Variants in EXOC6B observed in about 807,000 individuals in gnomAD.
The protein encoded by EXOC6B is exocyst complex component 6B.
EXOC6B carries 54 observed loss-of-function variants against 113.5 expected under a neutral mutation model. The observed-to-expected ratio is 0.48, with a 90% CI of 0.38 to 0.60. The LOEUF (loss-of-function observed/expected upper bound fraction) is 0.60. Among genes scored for constraint, EXOC6B ranks in the 20% least tolerant of loss-of-function variants. The pLI is 0.00. For missense variants in EXOC6B, 797 were observed against 977.5 expected, an observed-to-expected ratio of 0.82 and a Z score of 2.46; for synonymous variants, 357 against 339.0, an observed-to-expected ratio of 1.05 and a Z score of -0.58.
At chr2:72,790,022 G>A in intron 1 of EXOC6B, among the ~76,000 whole-genome samples, 1 of 152,096 alleles carries the variant, frequency 6.6e-6, no homozygotes, top group Non-Finnish European at 1.5e-5. Context: ...TTACCTGGAT[G>A]CTCACAGATT....
intron 18 of EXOC6B, among the ~76,000 whole-genome samples, chr2:72,393,908 A>T (rs1450981141): frequency 1.3e-5 from 2 of 152,278 alleles, no homozygotes; most frequent in East Asian, 3.9e-4. Context: ...GAGCAAAAGC[A>T]AAGAAAAAAT....
At chr2:72,772,044 A>T (rs1683430521) in intron 1 of EXOC6B, among the ~76,000 whole-genome samples, 1 of 152,188 alleles carries the variant, frequency 6.6e-6, no homozygotes, top group African/African-American at 2.4e-5. Flanking sequence ...CAGGTAAGAG[A>T]TCACAGCACC....
At chr2:72,646,475 A>G (rs1424655062) in intron 6 of EXOC6B, among the ~76,000 whole-genome samples, 2 of 152,206 alleles carry the variant, frequency 1.3e-5, no homozygotes, top group Non-Finnish European at 2.9e-5. Context: ...TCCTGATACC[A>G]AAGCCTGGCA....
intron 6 of EXOC6B, among the ~76,000 whole-genome samples, chr2:72,661,722 A>G (rs1375970726): frequency 6.6e-6 from 1 of 152,108 alleles, no homozygotes; most frequent in African/African-American, 2.4e-5. Context: ...TATATAGAGA[A>G]GCAAAGAAAC....
At chr2:72,285,376 CA>C (rs2104687572) in intron 20 of EXOC6B, among the ~76,000 whole-genome samples, 1 of 152,010 alleles carries the variant, frequency 6.6e-6, no homozygotes, top group Admixed American at 6.5e-5. Flanking sequence ...AAAGGCAAAG[CA>C]ATGGAACAAA....
intron 20 of EXOC6B, among the ~76,000 whole-genome samples, chr2:72,219,064 C>A (rs1680709353): frequency 6.6e-6 from 1 of 151,938 alleles, no homozygotes; most frequent in East Asian, 1.9e-4. Context: ...TATCAGGGGG[C>A]CTTGCTTTCT....
At chr2:72,549,592 A>G (rs938707669) in intron 8 of EXOC6B, among the ~76,000 whole-genome samples, 1 of 152,184 alleles carries the variant, frequency 6.6e-6, no homozygotes, top group African/African-American at 2.4e-5. Context: ...TTCATTTTAA[A>G]ACACAGGGAG....
At chr2:72,334,499 C>G (rs891884835) in intron 20 of EXOC6B, among the ~76,000 whole-genome samples, 1 of 152,110 alleles carries the variant, frequency 6.6e-6, no homozygotes, top group Non-Finnish European at 1.5e-5. Flanking sequence ...AGTCAACAAA[C>G]CAACCAACAA....
At chr2:72,700,237 A>AAAACACACAC (rs1553469031) in intron 6 of EXOC6B, among the ~76,000 whole-genome samples, 2 of 142,318 alleles carry the variant, frequency 1.4e-5, no homozygotes, top group Admixed American at 1.4e-4. Flanking sequence ...AGACCACAGA[A>AAAACACACAC]ACACACACAC....
chr2:72,671,811 GAAAGAA>G (rs2104502024), intron 6 of EXOC6B, among the ~76,000 whole-genome samples: 2 of 117,412 alleles, frequency 1.7e-5, no homozygotes, highest in African/African-American at 5.8e-5. Context: ...AAGAAAGAAA[GAAAGAA>G]AGAAGAGAAA....
intron 20 of EXOC6B, among the ~76,000 whole-genome samples, chr2:72,281,032 A>G (rs905755665): frequency 6.6e-6 from 1 of 152,168 alleles, no homozygotes; most frequent in African/African-American, 2.4e-5. Context: ...TGACAAGATA[A>G]AAATTGGAGT....
At chr2:72,278,012 C>T (rs991521898) in intron 20 of EXOC6B, among the ~76,000 whole-genome samples, 4 of 152,022 alleles carry the variant, frequency 2.6e-5, no homozygotes, top group Admixed American at 6.6e-5. Flanking sequence ...CTCTTGAAGG[C>T]GGGAGCTTTG....
chr2:72,560,368 A>C (rs1351548952), intron 7 of EXOC6B, among the ~76,000 whole-genome samples: 1 of 152,184 alleles, frequency 6.6e-6, no homozygotes, highest in East Asian at 1.9e-4. Flanking sequence ...AAATGAAAAA[A>C]TTACATAAAG....
chr2:72,212,547 G>A (rs748032093), intron 20 of EXOC6B, among the ~76,000 whole-genome samples: 19 of 152,142 alleles, frequency 1.2e-4, no homozygotes, highest in African/African-American at 4.6e-4. Flanking sequence ...ATAATAAAAC[G>A]CCTTTAACTT....
intron 18 of EXOC6B, among the ~76,000 whole-genome samples, chr2:72,438,980 A>G (rs1558666779): frequency 6.6e-6 from 1 of 152,162 alleles, no homozygotes; most frequent in Non-Finnish European, 1.5e-5. Flanking sequence ...TTAATTCCAG[A>G]AAAGTTTTCT....
chr2:72,265,824 A>G (rs9679148), intron 20 of EXOC6B, among the ~76,000 whole-genome samples: 70,118 of 152,020 alleles, frequency 0.46, 21,167 homozygotes, highest in African/African-American at 0.86. Context: ...CTGAGGAATC[A>G]CCACACTGTC....
chr2:72,528,214 G>A (rs1460742284), intron 8 of EXOC6B, among the ~76,000 whole-genome samples: 1 of 151,968 alleles, frequency 6.6e-6, no homozygotes, highest in Non-Finnish European at 1.5e-5. Flanking sequence ...AATCCATTTT[G>A]TATAAAATGT....
chr2:72,595,990 C>T (rs779594679), intron 6 of EXOC6B, among the ~76,000 whole-genome samples: 2 of 152,012 alleles, frequency 1.3e-5, no homozygotes, highest in African/African-American at 4.8e-5. Context: ...AGAAGCATAC[C>T]GCACCACAAG....
intron 8 of EXOC6B, among the ~76,000 whole-genome samples, chr2:72,540,730 C>T (rs893732039): frequency 4.6e-5 from 7 of 152,066 alleles, no homozygotes; most frequent in Non-Finnish European, 1.0e-4. Context: ...TTCCATTACC[C>T]GTTAGGTAAA....
Sources: allele counts gnomAD v4.1 joint callset (sites outside exome capture counted in the v4.1 genomes callset), GRCh38; gene constraint gnomAD v4.1.1; transcripts MANE v1.5; gene names NCBI Gene and HGNC (gene_info 2026-07-23, HGNC 2026-07-21).